Variants in SMAD7 observed in about 807,000 individuals in gnomAD.
SMAD7 encodes the protein SMAD family member 7, also known as MAD (mothers against decapentaplegic, Drosophila) homolog 7.
Under a neutral mutation model 38.7 loss-of-function variants are expected in SMAD7, and 8 were observed. The ratio of observed to expected loss-of-function variants is 0.21; its 90% CI spans 0.12 to 0.37. SMAD7 has a LOEUF of 0.37. Among genes scored for constraint, SMAD7 ranks in the 10% least tolerant of loss-of-function variants. The probability of loss-of-function intolerance (pLI) is 1.00; values close to 1 mark genes in which losing one functional copy is unlikely to be tolerated. For missense variants in SMAD7, 477 were observed against 577.9 expected (o/e 0.83, Z 1.79); for synonymous variants, 327 against 265.1 (o/e 1.23, Z -2.27).
rs2069964908 is a variant in SMAD7 at position 48,929,339 on chromosome 18, G to A, written c.743-7429C>T. 3.3e-5 allele frequency among the ~76,000 whole-genome samples: 5 copies of A among 152,154 alleles called. No individual in the cohort carries two copies. The South Asian group carries it at 1.0e-3, about 32-fold the overall frequency. On this transcript the variant is annotated intron_variant, in intron 3 of 3. Coordinates refer to ENST00000262158, the MANE Select transcript of SMAD7 (RefSeq NM_005904.4). ...CTGGGCATGACCCTGGCACCCCCAG[G>A]AAGACACAAGGGCTGGGACAAGCAT...
chr18:48,929,188 C>CA, intron 3 of SMAD7, among the ~76,000 whole-genome samples: 1 of 152,264 alleles, frequency 6.6e-6, no homozygotes, highest in African/African-American at 2.4e-5. Context: ...CATGGTACAC[C>CA]AACCAGGTTC....
At position 48,937,647 on chromosome 18, in the gene SMAD7, G is replaced by A. The variant is rs917895634; in HGVS notation, c.742+4834C>T. On this transcript the variant is annotated intron_variant, in intron 3 of 3. Transcript: ENST00000262158. ...CTGGTCTTCACCAGGGTGTGGGTGT[G>A]CACCAGGTGAGCCCGCCCCAGCCCT... Among the ~76,000 whole-genome samples, 16 of 152,314 alleles carry A rather than the reference G, an allele frequency of 1.1e-4. 1 individual carries two copies. The East Asian group carries it at 3.1e-3, about 29-fold the overall frequency.
chr18:48,948,299 C>T, intron 2 of SMAD7, 85 bp downstream of exon 2: 3 of 890,836 alleles, frequency 3.4e-6, no homozygotes, highest in East Asian at 5.4e-5. Context: ...CTCCCCAAGC[C>T]TTTGCCTACA....
At chr18:48,942,119 G>C (rs191640859) in intron 3 of SMAD7, among the ~76,000 whole-genome samples, 6 of 152,208 alleles carry the variant, frequency 3.9e-5, no homozygotes, top group African/African-American at 1.4e-4. Context: ...TGCGCAAAGA[G>C]CAAAAGCAAA....
At chr18:48,937,159 G>A (rs892454628) in intron 3 of SMAD7, among the ~76,000 whole-genome samples, 3 of 151,880 alleles carry the variant, frequency 2.0e-5, no homozygotes, top group Non-Finnish European at 2.9e-5. Context: ...TGAATTCTTC[G>A]GCATTTCCTC....
At chr18:48,937,307 T>TGTGTGTGTGTGG (rs2070080977) in intron 3 of SMAD7, among the ~76,000 whole-genome samples, 1 of 146,264 alleles carries the variant, frequency 6.8e-6, no homozygotes, top group African/African-American at 2.5e-5. Context: ...TGTGTGTGTG[T>TGTGTGTGTGTGG]AGGAAGTGAG....
chr18:48,946,324 T>C (rs1404812607), intron 2 of SMAD7, among the ~76,000 whole-genome samples: 1 of 151,924 alleles, frequency 6.6e-6, no homozygotes, highest in East Asian at 1.9e-4. Context: ...CATTCTCCCA[T>C]ACGCAAAATG....
intron 3 of SMAD7, among the ~76,000 whole-genome samples, chr18:48,928,972 G>A (rs551086849): frequency 2.0e-5 from 3 of 152,238 alleles, no homozygotes; most frequent in Non-Finnish European, 2.9e-5. Context: ...AAATTACAGC[G>A]TGTACCCAGC....
At chr18:48,929,312 C>G (rs1380788324) in intron 3 of SMAD7, among the ~76,000 whole-genome samples, 1 of 152,098 alleles carries the variant, frequency 6.6e-6, no homozygotes, top group African/African-American at 2.4e-5. Context: ...GCTGCCTTCC[C>G]TCTGGGCATG....
At chr18:48,927,559 C>T (rs12953717) in intron 3 of SMAD7, among the ~76,000 whole-genome samples, 54,511 of 152,056 alleles carry the variant, frequency 0.36, 10,367 homozygotes, top group Middle Eastern at 0.46. Context: ...TCGCATGCAG[C>T]CTCCCGGTAA....
rs186773628 is a variant in SMAD7, at chr18:48,941,701, T to C, written c.742+780A>G. ...GTGGGGATGGAAAAACAGGTAGAAATAGGATTTCTTCAGAACAACATGAAA... is the reference window on the plus strand; with the variant it reads ...GTGGGGATGGAAAAACAGGTAGAAACAGGATTTCTTCAGAACAACATGAAA... On this transcript the variant is annotated intron_variant, in intron 3 of 3. Coordinates refer to ENST00000262158, the MANE Select transcript of SMAD7 (RefSeq NM_005904.4). Among the ~76,000 whole-genome samples the C allele has an allele frequency of 7.4e-3, 1,130 of 152,282 alleles. 11 individuals are homozygous for C. Among genetic ancestry groups the C allele is most frequent in the South Asian group, 0.017 (83 of 4,824 alleles).
intron 2 of SMAD7, among the ~76,000 whole-genome samples, chr18:48,945,572 C>T (rs1801439655): frequency 6.6e-6 from 1 of 152,134 alleles, no homozygotes; most frequent in African/African-American, 2.4e-5. Flanking sequence ...AATGAATGAC[C>T]TAATCTCTTT....
intron 1 of SMAD7, chr18:48,949,155 G>C (rs1038472277): frequency 3.1e-6 from 1 of 325,758 alleles, no homozygotes; most frequent in Non-Finnish European, 4.4e-6. Flanking sequence ...GGAAAAAGTA[G>C]GGGACACCCA....
chr18:48,924,847 G>A lies in SMAD7; in HGVS notation c.743-2937C>T, dbSNP rs146396917. On this transcript the variant is annotated intron_variant, in intron 3 of 3. Coordinates refer to ENST00000262158, the MANE Select transcript of SMAD7 (RefSeq NM_005904.4). ...CATTCGGCAACAGCAAAGGCCCCTC[G>A]AACACACACCCTTGTGTGGACATCA... is the stretch of plus-strand genomic sequence containing the variant. Among the ~76,000 whole-genome samples the A allele has an allele frequency of 3.1e-4, 47 of 152,266 alleles. No individual in the cohort carries two copies. In the East Asian group the frequency reaches 8.3e-3, roughly 27 times the overall value.
chr18:48,923,040 A>G (rs1415320952), intron 3 of SMAD7, among the ~76,000 whole-genome samples: 1 of 152,156 alleles, frequency 6.6e-6, no homozygotes. Flanking sequence ...CAGACTTGGG[A>G]CCATAAATCT....
chr18:48,948,313 A>C, intron 2 of SMAD7, 71 bp downstream of exon 2: 1 of 1,152,346 alleles, frequency 8.7e-7, no homozygotes, highest in Non-Finnish European at 1.3e-6. Flanking sequence ...GCCTACACAC[A>C]AAAAGCCACG....
intron 3 of SMAD7, among the ~76,000 whole-genome samples, chr18:48,923,178 G>A (rs1325868630): frequency 6.6e-6 from 1 of 152,180 alleles, no homozygotes. Flanking sequence ...GCCCCACGTC[G>A]GTCAGGGCCT....
chr18:48,932,596 T>G (rs1052836653), intron 3 of SMAD7, among the ~76,000 whole-genome samples: 1 of 152,112 alleles, frequency 6.6e-6, no homozygotes, highest in African/African-American at 2.4e-5. Context: ...AGTAATTCAA[T>G]TAGTGAACTC....
rs1435523930 is a variant in SMAD7, at chr18:48,921,824, A to G, written c.829T>C (p.Tyr277His). The G allele has an allele frequency of 1.2e-6, 2 of 1,613,914 alleles. No homozygotes were observed. Among genetic ancestry groups the G allele is most frequent in the South Asian group, 1.1e-5 (1 of 91,078 alleles). Residue 277 changes from tyrosine to histidine, a missense_variant, in exon 4 of 4, where the codon TAC becomes CAC. Physicochemically the swap from Tyr to His is moderately conservative, Grantham distance 83. Around this residue, in one of 2 missense-constraint regions of SMAD7, gnomAD observed 376 missense variants for 379.4 expected, o/e 0.99. Transcript: ENST00000262158. The surrounding 1 kb of genome is among the most constrained non-coding windows in gnomAD (Gnocchi z 6.4). ...TCCAGAGAGGGCTCCTGGACACAGT[A>G]GAGCCTCCCCACTCTCGTCTTCTCC... ...WEEKTRVGRL[Y>H]CVQEPSLDIF...
Sources: allele counts gnomAD v4.1 joint callset (sites outside exome capture counted in the v4.1 genomes callset), GRCh38; gene constraint gnomAD v4.1.1; regional missense constraint gnomAD v4.1.1; non-coding constraint Gnocchi (gnomAD v3.1); transcripts MANE v1.5; gene names NCBI Gene and HGNC (gene_info 2026-07-23, HGNC 2026-07-21).